The following TIMP3 variants were observed in gnomAD, a reference collection of about 807,000 sequenced individuals.
The protein encoded by TIMP3 is TIMP metallopeptidase inhibitor 3.
Under a neutral mutation model 30.0 loss-of-function variants are expected in TIMP3, and 11 were observed. That is an observed-to-expected ratio of 0.37 (90% confidence interval 0.23 to 0.61). TIMP3 has a LOEUF of 0.61. TIMP3 is among the 20% of genes least tolerant of loss of function. TIMP3 has a pLI of 0.70. For synonymous variants in TIMP3, 112 were observed against 111.3 expected (o/e 1.01, Z -0.04); for missense variants, 181 against 276.8 (o/e 0.65, Z 2.45).
Position 32,831,451 on chromosome 22 carries a change from G to A in TIMP3, c.122-18001G>A, listed in dbSNP as rs532262451. On this transcript the variant is annotated intron_variant, in intron 1 of 4. Transcript: ENST00000266085. Reference sequence around the variant, plus strand: ...TTCAAAGCCAGATGATCAGGGCAGCGGGGCTGGATTTTCATCTTCATGGCT... The same window carrying A: ...TTCAAAGCCAGATGATCAGGGCAGCAGGGCTGGATTTTCATCTTCATGGCT... 5.9e-5 allele frequency among the ~76,000 whole-genome samples: 9 copies of A among 152,256 alleles called. No homozygotes were observed. The East Asian group carries it at 9.7e-4, about 16-fold the overall frequency.
At chr22:32,823,683 C>T (rs1284942752) in intron 1 of TIMP3, among the ~76,000 whole-genome samples, 3 of 151,970 alleles carry the variant, frequency 2.0e-5, no homozygotes, top group African/African-American at 7.2e-5. Flanking sequence ...CAGGAAGAAG[C>T]TTGGTGGGCT....
chr22:32,858,066 G>A lies in TIMP3; in HGVS notation c.366G>A (p.Glu122=). ...KMYTGLCNFV[E]RWDQLTLSQR... ...ACACGGGGCTGTGCAACTTCGTGGA[G>A]AGGTGGGACCAGCTCACCCTCTCCC... The change falls in exon 4 of 5, where the codon GAG becomes GAA. Residue 122 remains glutamate (E), a synonymous_variant. Coordinates refer to ENST00000266085, the MANE Select transcript of TIMP3 (RefSeq NM_000362.5). The A allele has an allele frequency of 1.2e-6, 2 of 1,614,214 alleles. No homozygotes were observed. The highest frequency in any genetic ancestry group is 1.1e-5 in the South Asian group (1 of 91,084).
chr22:32,834,574 T>C (rs2047675092), intron 1 of TIMP3, among the ~76,000 whole-genome samples: 1 of 152,048 alleles, frequency 6.6e-6, no homozygotes, highest in Non-Finnish European at 1.5e-5. Flanking sequence ...GCAGTGGAGG[T>C]GGCAGGGGGA....
In TIMP3 at chr22:32,849,450, A is replaced by G; in HGVS notation, c.122-2A>G. 6.2e-7 allele frequency: 1 copy of G among 1,613,324 alleles called. No individual in the cohort carries two copies. The highest frequency in any genetic ancestry group is 8.5e-7 in the Non-Finnish European group (1 of 1,179,718). Reference sequence around the variant, plus strand: ...TCTTATTGTCTCCTTCTGTCTCTGCAGTGATCCGGGCCAAGGTGGTGGGGA... The same window carrying G: ...TCTTATTGTCTCCTTCTGTCTCTGCGGTGATCCGGGCCAAGGTGGTGGGGA... On this transcript the variant is annotated splice_acceptor_variant, in intron 1 of 4. Transcript: ENST00000266085. LOFTEE classifies it high-confidence loss of function.
chr22:32,859,149 C>T (rs2048463149), intron 4 of TIMP3, 31 bp from the exon 5 acceptor site: 3 of 1,610,320 alleles, frequency 1.9e-6, no homozygotes, highest in African/African-American at 2.7e-5. Context: ...ATGGCAGAGT[C>T]CATCAACTGC....
In TIMP3 at chr22:32,860,410, TA is replaced by T. The variant is rs1429650402; in HGVS notation, c.*1035del. The T allele has an allele frequency of 2.0e-5, 3 of 152,654 alleles. No individual in the cohort carries two copies. The highest frequency in any genetic ancestry group is 4.4e-5 in the Non-Finnish European group (3 of 68,046). 9.5% of individuals were successfully genotyped at this position (152,654 alleles called of 1,614,324 possible). On this transcript the variant is annotated 3_prime_UTR_variant, in exon 5 of 5. Coordinates refer to ENST00000266085, the MANE Select transcript of TIMP3 (RefSeq NM_000362.5). ...ATTTGCATATACCCACATGGGGACA[TA>T]AGCTAATTTTTTTACAGGACACAGA...
chr22:32,851,694 C>G (rs2048222865), intron 2 of TIMP3, among the ~76,000 whole-genome samples: 1 of 152,216 alleles, frequency 6.6e-6, no homozygotes, highest in Non-Finnish European at 1.5e-5. Context: ...GATCCCCAAG[C>G]TGAGGCATCG....
chr22:32,818,668 C>T (rs1468869384), intron 1 of TIMP3, among the ~76,000 whole-genome samples: 7 of 152,314 alleles, frequency 4.6e-5, no homozygotes, highest in African/African-American at 1.7e-4. Context: ...GGCGCTGGGC[C>T]TCCTGCTTGG....
At chr22:32,827,631 C>T (rs577115848) in intron 1 of TIMP3, among the ~76,000 whole-genome samples, 48 of 152,244 alleles carry the variant, frequency 3.2e-4, no homozygotes, top group African/African-American at 1.1e-3. Context: ...AATCCTTTCT[C>T]CAACAAGTAG....
Position 32,854,782 on chromosome 22 carries a change from G to T in TIMP3, c.205-2467G>T, listed in dbSNP as rs73885120. 9.4e-3 allele frequency among the ~76,000 whole-genome samples: 1,426 copies of T among 152,312 alleles called. 29 individuals carry two copies. The highest frequency in any genetic ancestry group is 0.033 in the African/African-American group (1,387 of 41,580). On this transcript the variant is annotated intron_variant, in intron 2 of 4. Transcript: ENST00000266085. ...GCACTTGGCTGCGTTACCGTGCTCA[G>T]TTGGCAAGCCTTGGGGGAGAAGAGA...
intron 1 of TIMP3, among the ~76,000 whole-genome samples, chr22:32,812,190 G>C (rs891959102): frequency 5.9e-5 from 9 of 152,178 alleles, no homozygotes. Flanking sequence ...CTGGCTCTAA[G>C]TTCCCTTGGA....
intron 1 of TIMP3, among the ~76,000 whole-genome samples, chr22:32,845,911 C>A (rs570874412): frequency 4.6e-5 from 7 of 152,170 alleles, no homozygotes; most frequent in Admixed American, 1.3e-4. Context: ...CAGGAGAGTA[C>A]AAAATAGCAC....
At position 32,801,911 on chromosome 22, in the gene TIMP3, G is replaced by C. The variant is rs2046593423; in HGVS notation, c.-91G>C. 1.4e-6 allele frequency: 2 copies of C among 1,421,306 alleles called. No individual in the cohort carries two copies. Among genetic ancestry groups the C allele is most frequent in the East Asian group, 3.0e-5 (1 of 33,160 alleles). The allele number at this position is 1,421,306 out of a possible 1,614,324, so 88.0% of individuals were successfully genotyped here. A position where few individuals can be genotyped will look rare whatever the true frequency, so the allele number is the denominator to read the frequency against. On this transcript the variant is annotated 5_prime_UTR_variant, in exon 1 of 5. Coordinates refer to ENST00000266085, the MANE Select transcript of TIMP3 (RefSeq NM_000362.5). The surrounding 1 kb of genome is among the most constrained non-coding windows in gnomAD (Gnocchi z 4.7). ...TTGCCCCGCACGGCCCGGCGGGCGA[G>C]CGAGCTCGGGCTGCAGCAGCCCCGC...
At chr22:32,858,247 A>G in intron 4 of TIMP3, 109 bp downstream of exon 4, 1 of 1,508,306 alleles carries the variant, frequency 6.6e-7, no homozygotes, top group Non-Finnish European at 9.0e-7. Flanking sequence ...AAGGGTATGC[A>G]TGTGTTAGGC....
chr22:32,857,317 T>C lies in TIMP3; in HGVS notation c.273T>C (p.Cys91=), dbSNP rs774455224. The change falls in exon 3 of 5, where the codon TGT becomes TGC. Residue 91 remains cysteine (C), a synonymous_variant. Transcript: ENST00000266085. ...YIHTEASESL[C]GLKLEVNKYQ... Reference sequence around the variant, plus strand: ...ATACGGAAGCTTCCGAGAGTCTCTGTGGCCTTAAGCTGGAGGTCAACAAGT... The same window carrying C: ...ATACGGAAGCTTCCGAGAGTCTCTGCGGCCTTAAGCTGGAGGTCAACAAGT... 1 of 1,614,156 alleles carries C rather than the reference T, an allele frequency of 6.2e-7. No homozygotes were observed. The highest frequency in any genetic ancestry group is 8.5e-7 in the Non-Finnish European group (1 of 1,180,004).
At chr22:32,821,278 G>T (rs887347687) in intron 1 of TIMP3, among the ~76,000 whole-genome samples, 1 of 152,182 alleles carries the variant, frequency 6.6e-6, no homozygotes, top group Non-Finnish European at 1.5e-5. Context: ...GCAGGTGGGT[G>T]AGAGATGCCA....
At chr22:32,829,254 C>T (rs1310561685) in intron 1 of TIMP3, among the ~76,000 whole-genome samples, 1 of 152,240 alleles carries the variant, frequency 6.6e-6, no homozygotes, top group African/African-American at 2.4e-5. Context: ...CTAAACCCTC[C>T]TTTCGTGATC....
chr22:32,802,414 C>G (rs1200011426), intron 1 of TIMP3, among the ~76,000 whole-genome samples: 1 of 152,196 alleles, frequency 6.6e-6, no homozygotes, highest in East Asian at 1.9e-4. Flanking sequence ...GAAAATGTCC[C>G]CATTCACTAC....
intron 1 of TIMP3, among the ~76,000 whole-genome samples, chr22:32,814,379 G>A (rs2047034265): frequency 1.3e-5 from 1 of 75,284 alleles, no homozygotes; most frequent in African/African-American, 4.4e-5. Context: ...GAAAGAGATT[G>A]GTTTGAAACA....
Sources: gnomAD v4.1 joint callset for allele counts (sites outside exome capture counted in the v4.1 genomes callset) on GRCh38, gnomAD v4.1.1 for gene constraint, Gnocchi (gnomAD v3.1) non-coding constraint, MANE v1.5 for transcripts, NCBI Gene and HGNC (gene_info 2026-07-23, HGNC 2026-07-21) for gene names.